The following PHF21A variants were observed in gnomAD, a reference collection of about 807,000 sequenced individuals.
The protein encoded by PHF21A is BHC80a.
PHF21A carries 11 observed loss-of-function variants against 82.5 expected under a neutral mutation model. The ratio of observed to expected loss-of-function variants is 0.13; its 90% CI spans 0.08 to 0.22. PHF21A has a LOEUF of 0.22. Ranked by LOEUF, PHF21A falls within the 10% of genes least tolerant of loss-of-function variation. The probability of loss-of-function intolerance (pLI) is 1.00; values close to 1 mark genes in which losing one functional copy is unlikely to be tolerated. For missense variants in PHF21A, 579 were observed against 837.8 expected (o/e 0.69, Z 3.81); for synonymous variants, 297 against 302.8 (o/e 0.98, Z 0.20).
At chr11:46,033,286 G>A (rs754911690) in intron 6 of PHF21A, among the ~76,000 whole-genome samples, 5 of 152,034 alleles carry the variant, frequency 3.3e-5, no homozygotes, top group Non-Finnish European at 7.4e-5. Flanking sequence ...TGTTGTTGAG[G>A]CACAGTCTTA....
chr11:46,027,403 T>C (rs956578806), intron 6 of PHF21A, among the ~76,000 whole-genome samples: 7 of 152,232 alleles, frequency 4.6e-5, no homozygotes, highest in Non-Finnish European at 8.8e-5. Flanking sequence ...GTCCTCAGTA[T>C]TATAATTCTG....
intron 1 of PHF21A, among the ~76,000 whole-genome samples, chr11:46,097,065 C>G (rs907576096): frequency 6.6e-6 from 1 of 152,112 alleles, no homozygotes; most frequent in Non-Finnish European, 1.5e-5. Context: ...TCCACCATGA[C>G]CCCCTTGCCT....
intron 6 of PHF21A, among the ~76,000 whole-genome samples, chr11:46,023,544 T>G (rs1006319098): frequency 1.3e-5 from 2 of 152,188 alleles, no homozygotes; most frequent in East Asian, 3.8e-4. Flanking sequence ...CCCTCAGATA[T>G]GAAAAGGTGT....
In PHF21A at chr11:45,936,843, C is replaced by T. The variant is rs1041595828; in HGVS notation, c.1609-274G>A. The T allele has an allele frequency of 1.1e-4, 37 of 350,910 alleles. No individual in the cohort carries two copies. In the East Asian group the frequency reaches 1.7e-3, roughly 16 times the overall value. The allele number at this position is 350,910 out of a possible 1,614,324, so 21.7% of individuals were successfully genotyped here. A position where few individuals can be genotyped will look rare whatever the true frequency, so the allele number is the denominator to read the frequency against. On this transcript the variant is annotated intron_variant, in intron 16 of 18. Coordinates refer to ENST00000676320, the MANE Select transcript of PHF21A (RefSeq NM_001352027.3). The stretch of plus-strand genomic sequence containing the variant: ...CTGAGCATTCCTATCTTTTCACACA[C>T]GCCACATGACACCCAACCACTCCCG...
At chr11:45,996,373 G>GT (rs1207711194) in intron 6 of PHF21A, among the ~76,000 whole-genome samples, 1 of 152,174 alleles carries the variant, frequency 6.6e-6, no homozygotes, top group East Asian at 1.9e-4. Flanking sequence ...GCTACATGTG[G>GT]TATTTACTTG....
chr11:46,079,533 C>G (rs906985441), intron 4 of PHF21A, among the ~76,000 whole-genome samples: 2 of 152,168 alleles, frequency 1.3e-5, no homozygotes, highest in African/African-American at 4.8e-5. Flanking sequence ...GAAGCTGGCC[C>G]CACACAAAAC....
chr11:46,063,233 A>G (rs921991480), intron 6 of PHF21A, among the ~76,000 whole-genome samples: 2 of 152,166 alleles, frequency 1.3e-5, no homozygotes, highest in Admixed American at 1.3e-4. Context: ...TTCTGTATAC[A>G]CCATATACCC....
At chr11:46,025,299 T>C (rs976840739) in intron 6 of PHF21A, among the ~76,000 whole-genome samples, 1 of 152,206 alleles carries the variant, frequency 6.6e-6, no homozygotes, top group Non-Finnish European at 1.5e-5. Context: ...TCTTCTTTTC[T>C]CAAACTTACT....
At chr11:45,957,476 G>A (rs767947366) in intron 10 of PHF21A, among the ~76,000 whole-genome samples, 1 of 151,944 alleles carries the variant, frequency 6.6e-6, no homozygotes, top group Non-Finnish European at 1.5e-5. Flanking sequence ...ATTAATGACA[G>A]CAGAAAAACT....
chr11:45,967,368 A>T (rs1224356365), intron 9 of PHF21A, among the ~76,000 whole-genome samples: 1 of 3,324 alleles, frequency 3.0e-4, no homozygotes, highest in Non-Finnish European at 1.6e-3. Flanking sequence ...ACCCTGTCTT[A>T]AAAAAAAAAA....
intron 6 of PHF21A, among the ~76,000 whole-genome samples, chr11:46,007,733 G>A (rs554702226): frequency 5.2e-4 from 79 of 152,210 alleles, no homozygotes; most frequent in Middle Eastern, 3.4e-3. Context: ...ATCAAAAAAC[G>A]ATGTGAAAGA....
At chr11:45,968,708 C>T (rs540764740) in intron 9 of PHF21A, among the ~76,000 whole-genome samples, 1 of 152,036 alleles carries the variant, frequency 6.6e-6, no homozygotes, top group African/African-American at 2.4e-5. Flanking sequence ...GCAGGTGGAT[C>T]ACCCTGAGGT....
intron 6 of PHF21A, among the ~76,000 whole-genome samples, chr11:46,018,979 G>T (rs536989743): frequency 2.0e-3 from 304 of 152,088 alleles, no homozygotes; most frequent in Non-Finnish European, 2.7e-3. Context: ...CATCATGTAA[G>T]AAGCTAAAAC....
At chr11:46,073,965 T>C (rs1349329234) in intron 6 of PHF21A, among the ~76,000 whole-genome samples, 1 of 152,208 alleles carries the variant, frequency 6.6e-6, no homozygotes, top group African/African-American at 2.4e-5. Context: ...TCATGAAGGA[T>C]GCTCACTAAA....
intron 4 of PHF21A, among the ~76,000 whole-genome samples, chr11:46,080,319 T>C (rs557856987): frequency 5.3e-4 from 80 of 151,698 alleles, no homozygotes; most frequent in East Asian, 2.0e-3. Flanking sequence ...CCAGCACACC[T>C]GGTTAATTTT....
chr11:46,053,959 A>G (rs2096410194), intron 6 of PHF21A, among the ~76,000 whole-genome samples: 1 of 152,152 alleles, frequency 6.6e-6, no homozygotes, highest in South Asian at 2.1e-4. Flanking sequence ...CCTGCTAAAA[A>G]TTGGCAGCAT....
intron 1 of PHF21A, among the ~76,000 whole-genome samples, chr11:46,117,514 G>A (rs2136172133): frequency 6.6e-6 from 1 of 152,300 alleles, no homozygotes; most frequent in South Asian, 2.1e-4. Flanking sequence ...AAAGCCGAGT[G>A]CCTAAAAATT....
intron 10 of PHF21A, among the ~76,000 whole-genome samples, chr11:45,961,612 T>A (rs1396018177): frequency 7.0e-6 from 1 of 143,216 alleles, no homozygotes; most frequent in African/African-American, 2.6e-5. Context: ...ACCTTGGGAT[T>A]TTTTTCAGTA....
intron 13 of PHF21A, 138 bp from the exon 14 acceptor site, chr11:45,949,084 C>T (rs1362368405): frequency 1.3e-6 from 1 of 755,682 alleles, no homozygotes; most frequent in Non-Finnish European, 2.4e-6. Flanking sequence ...TCTCAATGCT[C>T]AAGGGTTTTA....
Sources: gnomAD v4.1 joint callset for allele counts (sites outside exome capture counted in the v4.1 genomes callset) on GRCh38, gnomAD v4.1.1 for gene constraint, MANE v1.5 for transcripts, NCBI Gene and HGNC (gene_info 2026-07-23, HGNC 2026-07-21) for gene names.